The following C9orf85 variants were observed in gnomAD, a reference collection of about 807,000 sequenced individuals.
C9orf85 encodes the protein uncharacterized protein C9orf85.
Under a neutral mutation model 14.9 loss-of-function variants are expected in C9orf85, and 16 were observed. The observed-to-expected ratio is 1.08, with a 90% CI of 0.73 to 1.63. The LOEUF (loss-of-function observed/expected upper bound fraction) is 1.63. Ranked by LOEUF, C9orf85 falls within the 40% of genes most tolerant of loss-of-function variation. C9orf85 has a pLI of 0.00. For missense variants in C9orf85, 172 were observed against 186.1 expected, an observed-to-expected ratio of 0.92 and a Z score of 0.44; for synonymous variants, 45 against 56.8, an observed-to-expected ratio of 0.79 and a Z score of 0.93.
downstream of C9orf85, chr9:71,984,331 C>T (rs1227265499): frequency 6.6e-6 from 1 of 152,230 alleles, no homozygotes; most frequent in Non-Finnish European, 1.5e-5. Context: ...GAATGCTCTG[C>T]ACCTGCAATC....
chr9:71,956,239 A>C (rs1439500668), intron 2 of C9orf85, among the ~76,000 whole-genome samples: 1 of 140,484 alleles, frequency 7.1e-6, no homozygotes, highest in East Asian at 2.1e-4. Context: ...GGGGAATGCA[A>C]AAGTTTTTTT....
intron 1 of C9orf85, 119 bp from the exon 2 acceptor site, chr9:71,946,887 G>C: frequency 1.8e-6 from 1 of 570,394 alleles, no homozygotes; most frequent in Non-Finnish European, 3.1e-6. Context: ...ATCATAAATT[G>C]TTATGCAGAT....
chr9:71,985,725 T>A (rs1034683285), downstream of C9orf85: 5 of 152,182 alleles, frequency 3.3e-5, no homozygotes, highest in Non-Finnish European at 7.3e-5. Flanking sequence ...GACGCCTAGG[T>A]GCTACCTGAG....
downstream of C9orf85, among the ~76,000 whole-genome samples, chr9:71,975,676 C>T (rs1468171392): frequency 6.6e-6 from 1 of 151,820 alleles, no homozygotes; most frequent in African/African-American, 2.4e-5. Flanking sequence ...CTACTAAAAA[C>T]ACAAAATTAA....
intron 1 of C9orf85, 140 bp downstream of exon 1, chr9:71,911,976 T>C (rs1265539377): frequency 2.7e-6 from 2 of 752,576 alleles, no homozygotes; most frequent in Non-Finnish European, 4.8e-6. Context: ...TGCAACTCTT[T>C]CTAAAATGTT....
chr9:71,972,777 A>G lies in C9orf85; in HGVS notation c.409A>G (p.Ser137Gly). ...HRRSCRRNEESDDDLDFDIDL... is the reference protein window; with the variant it reads ...HRRSCRRNEEGDDDLDFDIDL... ...AAGAAGCTGCAGAAGAAATGAAGAA[A>G]GTGATGATGATTTAGATTTTGATAT... is the stretch of plus-strand genomic sequence containing the variant. The change falls in exon 4 of 4, where the codon AGT (serine) becomes GGT (glycine). Residue 137 changes from serine (S) to glycine (G), a missense_variant. Physicochemically the swap from Ser to Gly is moderately conservative, Grantham distance 56. Coordinates refer to ENST00000334731, the MANE Select transcript of C9orf85 (RefSeq NM_182505.5). The G allele has an allele frequency of 1.2e-6, 2 of 1,610,722 alleles. No homozygotes were observed. Among genetic ancestry groups the G allele is most frequent in the Non-Finnish European group, 1.7e-6 (2 of 1,177,738 alleles).
intron 1 of C9orf85, among the ~76,000 whole-genome samples, chr9:71,938,536 G>A (rs896106515): frequency 6.6e-5 from 10 of 151,832 alleles, no homozygotes; most frequent in Non-Finnish European, 1.0e-4. Flanking sequence ...TTGATACAGT[G>A]GCAAATAAAA....
At chr9:71,943,057 C>T (rs1821981133) in intron 1 of C9orf85, among the ~76,000 whole-genome samples, 1 of 152,066 alleles carries the variant, frequency 6.6e-6, no homozygotes, top group African/African-American at 2.4e-5. Flanking sequence ...AAAGTACCTA[C>T]TTTTAAATAT....
chr9:71,967,722 T>C, intron 2 of C9orf85, among the ~76,000 whole-genome samples: 1 of 119,870 alleles, frequency 8.3e-6, no homozygotes, highest in East Asian at 2.2e-4. Flanking sequence ...TCTTTTTTTT[T>C]TTTTTTTTTT....
At chr9:71,958,186 C>G (rs1229266106) in intron 2 of C9orf85, among the ~76,000 whole-genome samples, 1 of 149,772 alleles carries the variant, frequency 6.7e-6, no homozygotes, top group East Asian at 1.9e-4. Context: ...GTACTTCAAG[C>G]TGGCCTAAGG....
intron 2 of C9orf85, among the ~76,000 whole-genome samples, chr9:71,957,378 G>A (rs1360049016): frequency 6.6e-6 from 1 of 151,992 alleles, no homozygotes; most frequent in Non-Finnish European, 1.5e-5. Context: ...CCAAACTCCA[G>A]GTGAAATCTC....
chr9:71,985,363 T>C (rs563292187), downstream of C9orf85: 55 of 152,362 alleles, frequency 3.6e-4, no homozygotes, highest in African/African-American at 1.3e-3. Flanking sequence ...GCAGTTTTTT[T>C]CTTGCGTTAA....
intron 1 of C9orf85, among the ~76,000 whole-genome samples, chr9:71,934,310 A>C (rs1001297146): frequency 1.3e-5 from 2 of 149,536 alleles, no homozygotes; most frequent in Non-Finnish European, 2.9e-5. Context: ...GTCTCAAAAC[A>C]AACAAAACAA....
chr9:71,947,092 A>G lies in C9orf85; in HGVS notation c.189A>G (p.Pro63=), dbSNP rs962268314. 1.4e-5 allele frequency: 22 copies of G among 1,611,880 alleles called. No homozygotes were observed. Among genetic ancestry groups the G allele is most frequent in the Non-Finnish European group, 1.9e-5 (22 of 1,178,492 alleles). The change falls in exon 2 of 4, where the codon CCA becomes CCG. Residue 63 remains proline, a synonymous_variant. Coordinates refer to ENST00000334731, the MANE Select transcript of C9orf85 (RefSeq NM_182505.5). ...GTGTAAAATACAGCAAATACAAACC[A>G]TTATCAAAACCTAAAAAGTGGTGAG... ...EWRVKYSKYK[P]LSKPKKCVKC... is the part of the protein sequence containing the mutation.
chr9:71,959,348 G>T (rs1442453269), intron 2 of C9orf85, among the ~76,000 whole-genome samples: 1 of 151,878 alleles, frequency 6.6e-6, no homozygotes, highest in South Asian at 2.1e-4. Flanking sequence ...TGTTGGTCAG[G>T]CTGGTCTCAA....
At chr9:71,940,713 A>G (rs752787955) in intron 1 of C9orf85, among the ~76,000 whole-genome samples, 9 of 152,318 alleles carry the variant, frequency 5.9e-5, no homozygotes, top group Admixed American at 2.0e-4. Context: ...CAACCCAAAA[A>G]TATCATTCCT....
chr9:71,971,448 T>C, intron 2 of C9orf85, 57 bp from the exon 3 acceptor site: 1 of 1,077,322 alleles, frequency 9.3e-7, no homozygotes, highest in Non-Finnish European at 1.3e-6. Context: ...ACATCTTATT[T>C]TATCAAATAA....
intron 1 of C9orf85, among the ~76,000 whole-genome samples, chr9:71,920,253 A>G (rs1409215960): frequency 6.6e-6 from 1 of 152,178 alleles, no homozygotes; most frequent in Non-Finnish European, 1.5e-5. Context: ...ATGACAGCTG[A>G]AATTAATTTG....
intron 2 of C9orf85, among the ~76,000 whole-genome samples, chr9:71,952,139 T>G (rs1822259363): frequency 6.6e-6 from 1 of 152,190 alleles, no homozygotes; most frequent in South Asian, 2.1e-4. Context: ...GGAGGTAAGA[T>G]TCAAATGCAA....
Sources: allele counts gnomAD v4.1 joint callset (sites outside exome capture counted in the v4.1 genomes callset), GRCh38; gene constraint gnomAD v4.1.1; transcripts MANE v1.5; gene names NCBI Gene and HGNC (gene_info 2026-07-23, HGNC 2026-07-21).